SYNPR: variants seen among roughly 807,000 people sequenced by gnomAD.
SYNPR encodes the protein synaptoporin.
Under a neutral mutation model 32.9 loss-of-function variants are expected in SYNPR, and 23 were observed. That is an observed-to-expected ratio of 0.70 (90% CI 0.50 to 0.99). The LOEUF (loss-of-function observed/expected upper bound fraction) is 0.99. Among genes scored for constraint, SYNPR ranks in the 50% least tolerant of loss-of-function variants. The pLI, the probability that SYNPR is intolerant of heterozygous loss-of-function variation, is 0.00. For synonymous variants in SYNPR, 146 were observed against 135.9 expected (o/e 1.07, Z -0.52); for missense variants, 318 against 349.3 (o/e 0.91, Z 0.71).
chr3:63,576,920 A>C (rs1688870925), intron 4 of SYNPR, among the ~76,000 whole-genome samples: 1 of 152,186 alleles, frequency 6.6e-6, no homozygotes, highest in African/African-American at 2.4e-5. Context: ...TGATCCTTGA[A>C]GAGCCATTTG....
At chr3:63,415,482 T>C (rs2088528380) in intron 2 of SYNPR, among the ~76,000 whole-genome samples, 1 of 152,268 alleles carries the variant, frequency 6.6e-6, no homozygotes, top group South Asian at 2.1e-4. Context: ...TGACAGATCA[T>C]ATGTGACAGT....
chr3:63,567,500 G>A (rs1702811787), intron 4 of SYNPR, among the ~76,000 whole-genome samples: 2 of 152,014 alleles, frequency 1.3e-5, no homozygotes, highest in Admixed American at 1.3e-4. Flanking sequence ...TTATTTCCTT[G>A]AATCCAGAAC....
At chr3:63,543,463 G>A (rs1368207473) in intron 3 of SYNPR, among the ~76,000 whole-genome samples, 1 of 152,116 alleles carries the variant, frequency 6.6e-6, no homozygotes, top group Non-Finnish European at 1.5e-5. Flanking sequence ...TTAATCAAGA[G>A]GAAAATTATC....
At chr3:63,517,099 G>A (rs1021096068) in intron 3 of SYNPR, among the ~76,000 whole-genome samples, 3 of 152,094 alleles carry the variant, frequency 2.0e-5, no homozygotes, top group Admixed American at 6.6e-5. Context: ...TTCTTAAGGA[G>A]AATTCTGAAA....
At chr3:63,208,925 A>G in the SYNPR span, among the ~76,000 whole-genome samples, 1 of 152,308 alleles carries the variant, frequency 6.6e-6, no homozygotes, top group South Asian at 2.1e-4. Flanking sequence ...AGGTTTGACT[A>G]TAGAAATCTT....
chr3:63,531,411 A>C (rs1702110678), intron 3 of SYNPR, among the ~76,000 whole-genome samples: 1 of 152,036 alleles, frequency 6.6e-6, no homozygotes, highest in East Asian at 1.9e-4. Flanking sequence ...CTTAGCTTGC[A>C]ACTCCATCAC....
intron 2 of SYNPR, among the ~76,000 whole-genome samples, chr3:63,398,616 G>A (rs982934293): frequency 2.0e-5 from 3 of 152,054 alleles, no homozygotes; most frequent in Non-Finnish European, 4.4e-5. Flanking sequence ...TGCTCAGGAG[G>A]CTAAGGAAAG....
At chr3:63,318,300 C>T (rs2087066313) in intron 2 of SYNPR, among the ~76,000 whole-genome samples, 1 of 151,988 alleles carries the variant, frequency 6.6e-6, no homozygotes, top group South Asian at 2.1e-4. Flanking sequence ...ATGTCTAGGT[C>T]TCTAGCAAGG....
At chr3:63,593,767 C>A (rs527976850) in intron 4 of SYNPR, among the ~76,000 whole-genome samples, 61 of 152,222 alleles carry the variant, frequency 4.0e-4, no homozygotes, top group Non-Finnish European at 6.9e-4. Context: ...CTACATCTCT[C>A]TTTTTGCAAA....
chr3:63,373,637 A>G (rs1337249527), intron 2 of SYNPR, among the ~76,000 whole-genome samples: 3 of 152,216 alleles, frequency 2.0e-5, no homozygotes, highest in Non-Finnish European at 4.4e-5. Context: ...GGAAGAAAGC[A>G]GGCAACTTGG....
rs143845448 is a variant in SYNPR at position 63,332,653 on chromosome 3, T to C, written c.84+53911T>C. Among the ~76,000 whole-genome samples the C allele has an allele frequency of 3.8e-3, 577 of 152,282 alleles. 4 individuals are homozygous for C. The highest frequency in any genetic ancestry group is 0.013 in the African/African-American group (546 of 41,548). ...GATGTCTCAGGCTTCTTCGATCATT[T>C]GGTCTTAAGCACAACCCTGGAATAT... On this transcript the variant is annotated intron_variant, in intron 2 of 5. Transcript: ENST00000478300.
chr3:63,569,675 C>T (rs1165339711), intron 4 of SYNPR, among the ~76,000 whole-genome samples: 2 of 152,240 alleles, frequency 1.3e-5, no homozygotes, highest in Admixed American at 1.3e-4. Context: ...AAGCGTAGGC[C>T]CAGTGCTGGG....
chr3:63,451,927 C>T, intron 2 of SYNPR: 1 of 554,376 alleles, frequency 1.8e-6, no homozygotes, highest in South Asian at 2.6e-5. Context: ...CAGGCTCCTT[C>T]CCTCAGCTCA....
At chr3:63,252,971 G>A (rs2086346539) in intron 2 of SYNPR, among the ~76,000 whole-genome samples, 2 of 151,204 alleles carry the variant, frequency 1.3e-5, no homozygotes, top group South Asian at 2.1e-4. Flanking sequence ...ATGGGGAGGT[G>A]GAGGTTGCAG....
chr3:63,411,580 G>T (rs532023005), intron 2 of SYNPR, among the ~76,000 whole-genome samples: 1 of 152,264 alleles, frequency 6.6e-6, no homozygotes, highest in East Asian at 1.9e-4. Context: ...CTGAGGAAGT[G>T]ATTTTACAGT....
Position 63,278,768 on chromosome 3 carries a change from G to A in SYNPR, c.84+26G>A, listed in dbSNP as rs988720382. On this transcript the variant is annotated intron_variant, in intron 2 of 5. Transcript: ENST00000478300. ...GTGAGTAGCAGTGTGTGTGCAGGGA[G>A]GGGCGCCAGGCAGCCAGCTATCAGG... The A allele has an allele frequency of 5.2e-6, 8 of 1,550,614 alleles. No homozygotes were observed. In the Admixed American group the frequency reaches 1.6e-4, roughly 30 times the overall value.
intron 2 of SYNPR, among the ~76,000 whole-genome samples, chr3:63,369,119 A>T (rs1419978290): frequency 6.6e-6 from 1 of 152,188 alleles, no homozygotes; most frequent in Non-Finnish European, 1.5e-5. Flanking sequence ...TGGGAACTTA[A>T]TCCAATATGA....
At chr3:63,359,562 G>A (rs192971292) in intron 2 of SYNPR, among the ~76,000 whole-genome samples, 2 of 152,332 alleles carry the variant, frequency 1.3e-5, no homozygotes, top group Admixed American at 6.5e-5. Flanking sequence ...TTTGAAGTCT[G>A]TGCCTCTCTC....
intron 3 of SYNPR, among the ~76,000 whole-genome samples, chr3:63,268,119 T>G (rs1261872650): frequency 6.6e-6 from 1 of 152,204 alleles, no homozygotes; most frequent in Non-Finnish European, 1.5e-5. Flanking sequence ...TGATTCTGTG[T>G]GCCAAGGTGT....
Sources: gnomAD v4.1 joint callset for allele counts (sites outside exome capture counted in the v4.1 genomes callset) on GRCh38, gnomAD v4.1.1 for gene constraint, MANE v1.5 for transcripts, NCBI Gene and HGNC (gene_info 2026-07-23, HGNC 2026-07-21) for gene names.